The following NUBPL variants were observed in gnomAD, a reference collection of about 807,000 sequenced individuals.
NUBPL encodes NUBP iron-sulfur cluster assembly factor, mitochondrial.
In NUBPL, 31 loss-of-function variants were observed where a neutral mutation model predicts 45.7. The observed-to-expected ratio is 0.68, with a 90% CI of 0.51 to 0.92. The LOEUF (loss-of-function observed/expected upper bound fraction) is 0.92, where lower values mean the gene tolerates loss of function less well. Ranked by LOEUF, NUBPL falls within the 40% of genes least tolerant of loss-of-function variation. The pLI is 0.00. For synonymous variants in NUBPL, 144 were observed against 140.9 expected (o/e 1.02, Z -0.15); for missense variants, 401 against 398.7 (o/e 1.01, Z -0.05).
rs575247968 is a variant in NUBPL at position 31,752,464 on chromosome 14, C to T, written c.514-35316C>T. Among the ~76,000 whole-genome samples the T allele has an allele frequency of 8.8e-4, 134 of 152,294 alleles. 1 individual carries two copies. Among genetic ancestry groups the T allele is most frequent in the African/African-American group, 3.1e-3 (130 of 41,566 alleles). ...CTCTGAGGCAGAGGCAAAATGCTAC[C>T]AGTCTCTTCGCTAAAGCATAGCAAG... On this transcript the variant is annotated intron_variant, in intron 6 of 10. Coordinates refer to ENST00000281081, the MANE Select transcript of NUBPL (RefSeq NM_025152.3).
intron 7 of NUBPL, among the ~76,000 whole-genome samples, chr14:31,825,634 T>C (rs527616401): frequency 3.4e-4 from 34 of 101,028 alleles, no homozygotes; most frequent in African/African-American, 1.4e-3. Context: ...CTCCTCCTCC[T>C]CCCCTCTTTC....
intron 3 of NUBPL, among the ~76,000 whole-genome samples, chr14:31,588,597 A>T (rs982339341): frequency 6.6e-6 from 1 of 151,162 alleles, no homozygotes; most frequent in African/African-American, 2.4e-5. Flanking sequence ...TAATATGTTA[A>T]TTTTTTTTTT....
chr14:31,666,911 A>G (rs2036445053), intron 4 of NUBPL, among the ~76,000 whole-genome samples: 2 of 152,296 alleles, frequency 1.3e-5, no homozygotes, highest in South Asian at 4.1e-4. Flanking sequence ...GGGTTTCTGT[A>G]GAGAGATCTA....
chr14:31,630,459 G>A (rs866176062), intron 4 of NUBPL, among the ~76,000 whole-genome samples: 17 of 152,276 alleles, frequency 1.1e-4, no homozygotes, highest in Middle Eastern at 3.4e-3. Flanking sequence ...TGGTGACCTA[G>A]TCTTTGGTGT....
At chr14:31,804,277 C>T (rs940032799) in intron 7 of NUBPL, among the ~76,000 whole-genome samples, 1 of 151,968 alleles carries the variant, frequency 6.6e-6, no homozygotes, top group Non-Finnish European at 1.5e-5. Flanking sequence ...TTGTAGATAA[C>T]GAAGTATATT....
intron 6 of NUBPL, among the ~76,000 whole-genome samples, chr14:31,752,879 A>G (rs960626276): frequency 5.9e-5 from 9 of 152,220 alleles, no homozygotes; most frequent in Non-Finnish European, 4.4e-5. Context: ...ACTTACAATC[A>G]TGGCAGAAGT....
chr14:31,572,772 G>A lies in NUBPL; in HGVS notation c.291+7724G>A, dbSNP rs375462394. Among the ~76,000 whole-genome samples, 14 of 152,094 alleles carry A rather than the reference G, an allele frequency of 9.2e-5. No individual in the cohort carries two copies. The East Asian group carries it at 9.6e-4, about 10-fold the overall frequency. ...GCGACTTCATTTTTGTATGAACTGC[G>A]TAGAGTGTACTTAAACAAAGCTAGA... is the stretch of plus-strand genomic sequence containing the variant. On this transcript the variant is annotated intron_variant, in intron 3 of 10. Coordinates refer to ENST00000281081, the MANE Select transcript of NUBPL (RefSeq NM_025152.3).
At chr14:31,610,351 T>C (rs573011484) in intron 4 of NUBPL, among the ~76,000 whole-genome samples, 11 of 151,856 alleles carry the variant, frequency 7.2e-5, no homozygotes, top group African/African-American at 2.7e-4. Context: ...CCTACCAAGA[T>C]TGAATTAGGA....
intron 6 of NUBPL, among the ~76,000 whole-genome samples, chr14:31,674,908 G>T (rs2139815207): frequency 6.6e-6 from 1 of 152,210 alleles, no homozygotes; most frequent in East Asian, 1.9e-4. Context: ...AGGCCGAGAT[G>T]GGCGGATCAC....
chr14:31,675,969 C>T (rs530428576), intron 6 of NUBPL, among the ~76,000 whole-genome samples: 1 of 151,880 alleles, frequency 6.6e-6, no homozygotes. Flanking sequence ...TTTCTGTCAC[C>T]GTAGTGAGTT....
At chr14:31,604,152 C>T (rs184930773) in intron 4 of NUBPL, among the ~76,000 whole-genome samples, 5 of 133,510 alleles carry the variant, frequency 3.7e-5, no homozygotes, top group East Asian at 4.3e-4. Context: ...CGGGTAAAGA[C>T]GAGGTACTGG....
intron 8 of NUBPL, among the ~76,000 whole-genome samples, chr14:31,836,076 CT>C (rs1490798805): frequency 6.6e-6 from 1 of 152,126 alleles, no homozygotes; most frequent in Admixed American, 6.5e-5. Flanking sequence ...AAATTGGAGC[CT>C]TTTGGGCCTC....
At chr14:31,730,495 G>T (rs1032696605) in intron 6 of NUBPL, among the ~76,000 whole-genome samples, 2 of 143,902 alleles carry the variant, frequency 1.4e-5, no homozygotes. Context: ...ATGGAGTCTT[G>T]CACCGTCGCC....
intron 4 of NUBPL, among the ~76,000 whole-genome samples, chr14:31,619,913 G>C (rs1279866263): frequency 6.6e-6 from 1 of 152,076 alleles, no homozygotes; most frequent in East Asian, 1.9e-4. Flanking sequence ...TCATGTTCAA[G>C]TACGCCAATC....
intron 7 of NUBPL, among the ~76,000 whole-genome samples, chr14:31,793,002 C>T (rs554558824): frequency 6.6e-6 from 1 of 152,282 alleles, no homozygotes; most frequent in Non-Finnish European, 1.5e-5. Flanking sequence ...TCAGACTTAG[C>T]TAAATTGTAT....
intron 4 of NUBPL, among the ~76,000 whole-genome samples, chr14:31,602,377 C>A (rs2034461655): frequency 1.3e-5 from 1 of 79,948 alleles, no homozygotes; most frequent in African/African-American, 5.4e-5. Context: ...TACCCTAAAA[C>A]TTAAAGTATA....
At chr14:31,638,528 CCTT>C (rs532377479) in intron 4 of NUBPL, among the ~76,000 whole-genome samples, 1,607 of 151,994 alleles carry the variant, frequency 0.011, 24 homozygotes, top group African/African-American at 0.037. Flanking sequence ...AACATTTTTT[CCTT>C]CATTTCAACT....
Position 31,813,779 on chromosome 14 carries a change from T to C in NUBPL, c.608-12850T>C, listed in dbSNP as rs1200829706. ...CAACTCCCACTTATAAGTGAGAACA[T>C]GTGGTGTTTGGTTATCTGTTCCTGT... On this transcript the variant is annotated intron_variant, in intron 7 of 10. Transcript: ENST00000281081. Among the ~76,000 whole-genome samples, 4 of 152,278 alleles carry C rather than the reference T, an allele frequency of 2.6e-5. No individual in the cohort carries two copies. The East Asian group carries it at 7.7e-4, about 29-fold the overall frequency.
intron 6 of NUBPL, among the ~76,000 whole-genome samples, chr14:31,689,315 C>A (rs2037039623): frequency 6.6e-6 from 1 of 152,142 alleles, no homozygotes; most frequent in Admixed American, 6.5e-5. Context: ...CTTTTCCCCC[C>A]ACCCTTGCCA....
Sources: gnomAD v4.1 joint callset for allele counts (sites outside exome capture counted in the v4.1 genomes callset) on GRCh38, gnomAD v4.1.1 for gene constraint, MANE v1.5 for transcripts, NCBI Gene and HGNC (gene_info 2026-07-23, HGNC 2026-07-21) for gene names.